The following PTGES3L variants were observed in gnomAD, a reference collection of about 807,000 sequenced individuals.
PTGES3L encodes prostaglandin E synthase 3 like.
Under a neutral mutation model 25.0 loss-of-function variants are expected in PTGES3L, and 17 were observed. The observed-to-expected ratio is 0.68, with a 90% CI of 0.47 to 1.02. The LOEUF is 1.02. PTGES3L is among the 50% of genes least tolerant of loss of function. The pLI is 0.00. For synonymous variants in PTGES3L, 59 were observed against 65.7 expected, an observed-to-expected ratio of 0.90 and a Z score of 0.50; for missense variants, 202 against 197.5, an observed-to-expected ratio of 1.02 and a Z score of -0.14.
chr17:42,972,444 T>C (rs2049860790), intron 4 of PTGES3L, among the ~76,000 whole-genome samples: 2 of 150,900 alleles, frequency 1.3e-5, no homozygotes, highest in Admixed American at 1.3e-4. Flanking sequence ...CTGATTCTCC[T>C]GCCTCAGCCT....
Position 42,969,022 on chromosome 17 carries a change from G to T in PTGES3L, c.*126C>A. 1.5e-6 allele frequency: 1 copy of T among 669,996 alleles called. No individual in the cohort carries two copies. The highest frequency in any genetic ancestry group is 2.6e-6 in the Non-Finnish European group (1 of 386,158). 41.5% of individuals were successfully genotyped at this position (669,996 alleles called of 1,614,324 possible). On this transcript the variant is annotated 3_prime_UTR_variant, in exon 7 of 7. Transcript: ENST00000591916. The stretch of plus-strand genomic sequence containing the variant: ...GACGACCCTTAATAAAGAGCTTCTA[G>T]GAAAGTTCAGAGATCTCAGAAGAAC...
intron 4 of PTGES3L, among the ~76,000 whole-genome samples, chr17:42,975,323 AG>A (rs1298828648): frequency 6.6e-6 from 1 of 152,088 alleles, no homozygotes; most frequent in Non-Finnish European, 1.5e-5. Context: ...AGGGCTTTGA[AG>A]GATGCACAGG....
Position 42,975,957 on chromosome 17 carries a change from G to A in PTGES3L, c.288+3213C>T, listed in dbSNP as rs142313058. 5.1e-3 allele frequency among the ~76,000 whole-genome samples: 778 copies of A among 151,284 alleles called. 8 individuals carry two copies. The highest frequency in any genetic ancestry group is 0.018 in the African/African-American group (747 of 41,224). ...TCCAAAGTGCTGGGATTACAGTCAC[G>A]AGCCACCGAACCTGGCTCCCCGTTT... On this transcript the variant is annotated intron_variant, in intron 4 of 6. Coordinates refer to ENST00000591916, the MANE Select transcript of PTGES3L (RefSeq NM_001261430.2).
chr17:42,971,577 G>T, intron 5 of PTGES3L, 30 bp downstream of exon 5: 1 of 1,611,274 alleles, frequency 6.2e-7, no homozygotes, highest in South Asian at 1.1e-5. Context: ...ATGATCAAGT[G>T]GGCAGAACAC....
chr17:42,971,892 A>G, intron 4 of PTGES3L, 196 bp from the exon 5 acceptor site: 2 of 565,432 alleles, frequency 3.5e-6, no homozygotes, highest in South Asian at 4.1e-5. Context: ...TGAAAATCTC[A>G]GAAGTCCTAC....
chr17:42,976,125 G>T (rs147780202), intron 4 of PTGES3L, among the ~76,000 whole-genome samples: 2 of 152,112 alleles, frequency 1.3e-5, no homozygotes, highest in African/African-American at 4.8e-5. Context: ...TGGCACTACA[G>T]GCTCGCACCA....
At chr17:42,973,194 G>T (rs1443020125) in intron 4 of PTGES3L, among the ~76,000 whole-genome samples, 5 of 147,812 alleles carry the variant, frequency 3.4e-5, no homozygotes, top group South Asian at 2.2e-4. Flanking sequence ...GGGAGGTGGG[G>T]GGGGGTCAGC....
chr17:42,969,306 A>G, intron 6 of PTGES3L, 120 bp from the exon 7 acceptor site: 1 of 563,258 alleles, frequency 1.8e-6, no homozygotes, highest in Non-Finnish European at 3.0e-6. Flanking sequence ...GATTTCCTAA[A>G]CCACCCAACT....
At chr17:42,974,721 C>A (rs2049922799) in intron 4 of PTGES3L, among the ~76,000 whole-genome samples, 1 of 147,504 alleles carries the variant, frequency 6.8e-6, no homozygotes, top group Non-Finnish European at 1.5e-5. Context: ...TGCAGTGAGT[C>A]GAGATCACGC....
At chr17:42,975,833 C>T (rs769738338) in intron 4 of PTGES3L, among the ~76,000 whole-genome samples, 66 of 151,822 alleles carry the variant, frequency 4.3e-4, no homozygotes, top group Non-Finnish European at 6.6e-4. Context: ...CGTGCTACCG[C>T]GCTCTGCTAA....
intron 4 of PTGES3L, among the ~76,000 whole-genome samples, chr17:42,977,216 A>G (rs988464674): frequency 1.3e-5 from 2 of 152,152 alleles, no homozygotes; most frequent in Non-Finnish European, 2.9e-5. Flanking sequence ...ACCTGAGGTC[A>G]GGAGTTCAAG....
chr17:42,976,357 T>C (rs1269004906), intron 4 of PTGES3L, among the ~76,000 whole-genome samples: 2 of 152,186 alleles, frequency 1.3e-5, no homozygotes, highest in Admixed American at 6.6e-5. Context: ...ATAAAAATTT[T>C]TTAATGTCAG....
chr17:42,973,876 T>G lies in PTGES3L; in HGVS notation c.289-2180A>C, dbSNP rs1179907747. On this transcript the variant is annotated intron_variant, in intron 4 of 6. Coordinates refer to ENST00000591916, the MANE Select transcript of PTGES3L (RefSeq NM_001261430.2). ...CACTGCGGAAGGCCGCAGGGTCCTC[T>G]GCCTAGGAAAACCAGAGACCTTTGT... is the stretch of plus-strand genomic sequence containing the variant. 9.9e-5 allele frequency among the ~76,000 whole-genome samples: 14 copies of G among 141,642 alleles called. No homozygotes were observed. The East Asian group carries it at 2.4e-3, about 25-fold the overall frequency. The allele number at this position is 141,642 out of a possible 152,430, so 92.9% of individuals were successfully genotyped here. A position where few individuals can be genotyped will look rare whatever the true frequency, so the allele number is the denominator to read the frequency against.
chr17:42,970,812 G>A, intron 5 of PTGES3L, among the ~76,000 whole-genome samples: 1 of 151,580 alleles, frequency 6.6e-6, no homozygotes, highest in Non-Finnish European at 1.5e-5. Flanking sequence ...AGACCAGCCT[G>A]GCCAACATGA....
intron 4 of PTGES3L, among the ~76,000 whole-genome samples, chr17:42,977,118 C>T (rs1400298429): frequency 6.6e-6 from 1 of 151,994 alleles, no homozygotes; most frequent in East Asian, 1.9e-4. Flanking sequence ...TGGCAAAACC[C>T]CATCTCTACT....
At chr17:42,978,772 G>A (rs1262561818) in intron 4 of PTGES3L, among the ~76,000 whole-genome samples, 1 of 152,104 alleles carries the variant, frequency 6.6e-6, no homozygotes, top group African/African-American at 2.4e-5. Flanking sequence ...AGGCCGAGGC[G>A]GGCAGATCAC....
chr17:42,972,880 C>A (rs1210164956), intron 4 of PTGES3L, among the ~76,000 whole-genome samples: 82 of 149,554 alleles, frequency 5.5e-4, no homozygotes, highest in African/African-American at 2.0e-3. Context: ...AAGTGAGGAG[C>A]GCCTCTTCCC....
At chr17:42,978,446 T>C (rs2050002615) in intron 4 of PTGES3L, among the ~76,000 whole-genome samples, 1 of 152,098 alleles carries the variant, frequency 6.6e-6, no homozygotes, top group Admixed American at 6.6e-5. Flanking sequence ...AGGTTTTGAT[T>C]GTGAGTTGCA....
intron 4 of PTGES3L, among the ~76,000 whole-genome samples, chr17:42,974,133 G>A (rs2049912273): frequency 6.6e-6 from 1 of 152,038 alleles, no homozygotes; most frequent in African/African-American, 2.4e-5. Context: ...GGCCAGGGTG[G>A]GTGGATCACC....
Sources: gnomAD v4.1 joint callset for allele counts (sites outside exome capture counted in the v4.1 genomes callset) on GRCh38, gnomAD v4.1.1 for gene constraint, MANE v1.5 for transcripts, NCBI Gene and HGNC (gene_info 2026-07-23, HGNC 2026-07-21) for gene names.